Variants in TRIO observed in about 807,000 individuals in gnomAD.
The protein encoded by TRIO is trio Rho guanine nucleotide exchange factor, also known as triple functional domain protein.
A neutral mutation model predicts 351.9 loss-of-function variants in TRIO; 58 were observed. The ratio of observed to expected loss-of-function variants is 0.16; its 90% CI spans 0.13 to 0.21. The LOEUF (loss-of-function observed/expected upper bound fraction) is 0.21, where lower values mean the gene tolerates loss of function less well. TRIO is among the 10% of genes least tolerant of loss of function. The probability of loss-of-function intolerance (pLI) is 1.00; values close to 1 mark genes in which losing one functional copy is unlikely to be tolerated. For synonymous variants in TRIO, 1,758 were observed against 1,595.7 expected, an observed-to-expected ratio of 1.10 and a Z score of -2.42; for missense variants, 3,201 against 4,027.8, an observed-to-expected ratio of 0.79 and a Z score of 5.56.
chr5:14,412,163 T>A (rs1749260854), intron 33 of TRIO, among the ~76,000 whole-genome samples: 1 of 152,024 alleles, frequency 6.6e-6, no homozygotes, highest in African/African-American at 2.4e-5. Flanking sequence ...AATTTCTGTA[T>A]TTTTAGTAGA....
At chr5:14,285,625 C>A (rs1438499668) in intron 3 of TRIO, among the ~76,000 whole-genome samples, 1 of 152,058 alleles carries the variant, frequency 6.6e-6, no homozygotes, top group East Asian at 1.9e-4. Flanking sequence ...ATTTTATTTG[C>A]ATTACTTAAT....
At chr5:14,357,644 C>T (rs547326003) in intron 11 of TRIO, among the ~76,000 whole-genome samples, 2 of 152,098 alleles carry the variant, frequency 1.3e-5, no homozygotes, top group East Asian at 2.0e-4. Flanking sequence ...GCCGTCACCT[C>T]CCTAGCTCCA....
Position 14,310,130 on chromosome 5 carries a change from G to T in TRIO, c.1500+5538G>T, listed in dbSNP as rs533508538. On this transcript the variant is annotated intron_variant, in intron 8 of 56. Coordinates refer to ENST00000344204, the MANE Select transcript of TRIO (RefSeq NM_007118.4). ...TCTTGTTGGCTACAGTTGATCACAA[G>T]AGAGTGAAGCAGTGTAAACGTCGGA... is the stretch of plus-strand genomic sequence containing the variant. Among the ~76,000 whole-genome samples, 89 of 152,380 alleles carry T rather than the reference G, an allele frequency of 5.8e-4. 1 individual carries two copies. The highest frequency in any genetic ancestry group is 2.0e-3 in the African/African-American group (85 of 41,594).
intron 21 of TRIO, among the ~76,000 whole-genome samples, chr5:14,387,079 C>T (rs962091292): frequency 1.3e-5 from 2 of 152,266 alleles, no homozygotes; most frequent in African/African-American, 2.4e-5. Flanking sequence ...TGTCTTTGCT[C>T]AGCGGCTTTG....
chr5:14,233,700 G>A (rs1793605446), intron 1 of TRIO, among the ~76,000 whole-genome samples: 1 of 152,040 alleles, frequency 6.6e-6, no homozygotes, highest in African/African-American at 2.4e-5. Flanking sequence ...ACCACGCCTG[G>A]CTAATTAAAA....
At chr5:14,389,537 C>T (rs1746865284) in intron 25 of TRIO, 139 bp downstream of exon 25, 3 of 582,756 alleles carry the variant, frequency 5.1e-6, no homozygotes, top group Admixed American at 3.8e-5. Flanking sequence ...ATCAGTCTTT[C>T]TCCAAAAAGA....
At chr5:14,207,021 T>C (rs913222083) in intron 1 of TRIO, among the ~76,000 whole-genome samples, 4 of 152,224 alleles carry the variant, frequency 2.6e-5, no homozygotes, top group Non-Finnish European at 5.9e-5. Flanking sequence ...AGAATCTTTG[T>C]GATCTTGGAT....
chr5:14,169,862 A>G (rs1427440031), intron 1 of TRIO, among the ~76,000 whole-genome samples: 1 of 152,248 alleles, frequency 6.6e-6, no homozygotes, highest in Non-Finnish European at 1.5e-5. Flanking sequence ...TGTTGTGACC[A>G]TCTGTAGAGT....
intron 9 of TRIO, among the ~76,000 whole-genome samples, chr5:14,317,496 C>T (rs974493552): frequency 4.6e-5 from 7 of 152,114 alleles, no homozygotes; most frequent in African/African-American, 1.4e-4. Flanking sequence ...TGGGAACCGC[C>T]GTGATAAGCC....
chr5:14,187,162 A>G (rs1182454476), intron 1 of TRIO, among the ~76,000 whole-genome samples: 1 of 152,196 alleles, frequency 6.6e-6, no homozygotes, highest in Admixed American at 6.5e-5. Context: ...TTACGTGTCT[A>G]ATTATAGTGT....
At chr5:14,165,952 C>T (rs145677166) in intron 1 of TRIO, among the ~76,000 whole-genome samples, 2 of 152,354 alleles carry the variant, frequency 1.3e-5, no homozygotes, top group East Asian at 3.9e-4. Context: ...TGTAAATGGA[C>T]TCCTTATCAT....
intron 1 of TRIO, among the ~76,000 whole-genome samples, chr5:14,220,627 C>G (rs1298613258): frequency 6.6e-6 from 1 of 152,072 alleles, no homozygotes; most frequent in Non-Finnish European, 1.5e-5. Context: ...GATAAGAAAT[C>G]AAAACAGCCT....
chr5:14,418,400 C>T (rs1054859711), intron 33 of TRIO, among the ~76,000 whole-genome samples: 5 of 152,204 alleles, frequency 3.3e-5, no homozygotes, highest in African/African-American at 9.6e-5. Context: ...GGAGCCCCTG[C>T]GGGACCCAGT....
intron 53 of TRIO, among the ~76,000 whole-genome samples, chr5:14,500,443 T>G (rs152430): frequency 0.55 from 82,861 of 152,016 alleles, 25,607 homozygotes; most frequent in African/African-American, 0.85. Flanking sequence ...TCAAGGCAGG[T>G]AGCTGGTCAG....
At chr5:14,463,732 A>G (rs1339450073) in intron 36 of TRIO, among the ~76,000 whole-genome samples, 2 of 151,866 alleles carry the variant, frequency 1.3e-5, no homozygotes, top group Non-Finnish European at 1.5e-5. Flanking sequence ...AACTTTATCA[A>G]CATCTTCCCC....
At chr5:14,199,659 C>T (rs114129300) in intron 1 of TRIO, among the ~76,000 whole-genome samples, 128 of 152,318 alleles carry the variant, frequency 8.4e-4, no homozygotes, top group African/African-American at 2.9e-3. Flanking sequence ...TTTCTGTTCC[C>T]TGCCCCTCTC....
chr5:14,435,214 A>G (rs548200226), intron 34 of TRIO, among the ~76,000 whole-genome samples: 21 of 152,158 alleles, frequency 1.4e-4, no homozygotes, highest in Non-Finnish European at 2.9e-4. Context: ...GTGAAAAGGG[A>G]AAAAAAGGGG....
At chr5:14,194,229 T>A (rs1790624226) in intron 1 of TRIO, among the ~76,000 whole-genome samples, 1 of 152,230 alleles carries the variant, frequency 6.6e-6, no homozygotes, top group African/African-American at 2.4e-5. Context: ...ATTGATCGGA[T>A]TCATATTATT....
intron 2 of TRIO, among the ~76,000 whole-genome samples, chr5:14,275,866 G>GTGTATATA (rs144655462): frequency 2.1e-5 from 3 of 143,942 alleles, no homozygotes; most frequent in East Asian, 2.0e-4. Flanking sequence ...CTCTATGTGT[G>GTGTATATA]TATATATATA....
Sources: allele counts gnomAD v4.1 joint callset (sites outside exome capture counted in the v4.1 genomes callset), GRCh38; gene constraint gnomAD v4.1.1; transcripts MANE v1.5; gene names NCBI Gene and HGNC (gene_info 2026-07-23, HGNC 2026-07-21).